The following LPP variants were observed in gnomAD, a reference collection of about 807,000 sequenced individuals.
The protein encoded by LPP is lipoma-preferred partner.
A neutral mutation model predicts 60.4 loss-of-function variants in LPP; 38 were observed. The ratio of observed to expected loss-of-function variants is 0.63; its 90% CI spans 0.49 to 0.83. The LOEUF (loss-of-function observed/expected upper bound fraction) is 0.83, where lower values mean the gene tolerates loss of function less well. Among genes scored for constraint, LPP ranks in the 40% least tolerant of loss-of-function variants. The probability of loss-of-function intolerance (pLI) is 0.00; values close to 1 mark genes in which losing one functional copy is unlikely to be tolerated. For synonymous variants in LPP, 328 were observed against 290.8 expected, an observed-to-expected ratio of 1.13 and a Z score of -1.30; for missense variants, 902 against 783.6, an observed-to-expected ratio of 1.15 and a Z score of -1.80.
chr3:188,669,556 A>G (rs1488878477), intron 7 of LPP, among the ~76,000 whole-genome samples: 2 of 152,164 alleles, frequency 1.3e-5, no homozygotes, highest in Non-Finnish European at 2.9e-5. Context: ...AGCCTGGGTG[A>G]CAGAGCAAGA....
chr3:188,759,713 A>G (rs1731510596), intron 8 of LPP, among the ~76,000 whole-genome samples: 1 of 151,922 alleles, frequency 6.6e-6, no homozygotes, highest in African/African-American at 2.4e-5. Flanking sequence ...TAGAATCTCC[A>G]AGAAGAAAGA....
At chr3:188,599,421 T>C (rs1170264580) in intron 6 of LPP, among the ~76,000 whole-genome samples, 1 of 152,140 alleles carries the variant, frequency 6.6e-6, no homozygotes, top group Non-Finnish European at 1.5e-5. Flanking sequence ...TGGGTGCTCC[T>C]AATTGACTTG....
At chr3:188,313,965 G>A (rs1038643113) in intron 2 of LPP, among the ~76,000 whole-genome samples, 1 of 152,024 alleles carries the variant, frequency 6.6e-6, no homozygotes, top group African/African-American at 2.4e-5. Flanking sequence ...TCAGTACATT[G>A]ATTTTCTGCT....
chr3:188,767,741 A>G (rs1187807350), intron 9 of LPP, among the ~76,000 whole-genome samples: 1 of 152,176 alleles, frequency 6.6e-6, no homozygotes. Context: ...AGTAGTGATG[A>G]TGCTAACACT....
chr3:188,858,558 C>T (rs192708349), intron 9 of LPP, among the ~76,000 whole-genome samples: 41 of 152,152 alleles, frequency 2.7e-4, no homozygotes, highest in African/African-American at 9.9e-4. Context: ...AAAAACAGGG[C>T]GTAATTTACT....
rs550688819 is a variant in LPP, at chr3:188,386,954, T to C, written c.-9-19158T>C. On this transcript the variant is annotated intron_variant, in intron 3 of 11. Transcript: ENST00000617246. ...TTAGAAAAATAAGGATACAAAATGC[T>C]GTGTAGAAAAGAATATGCTATCTTA... Among the ~76,000 whole-genome samples the C allele has an allele frequency of 1.1e-4, 16 of 152,270 alleles. 3 individuals are homozygous for C. The South Asian group carries it at 1.2e-3, about 12-fold the overall frequency.
At chr3:188,276,695 T>TCTCTC (rs1739908128) in intron 2 of LPP, among the ~76,000 whole-genome samples, 9 of 16,418 alleles carry the variant, frequency 5.5e-4, no homozygotes, top group African/African-American at 4.0e-3. Flanking sequence ...CTCTCTCTCT[T>TCTCTC]TCTCTCTCTC....
chr3:188,809,404 T>A (rs1750188536), intron 9 of LPP, among the ~76,000 whole-genome samples: 1 of 152,196 alleles, frequency 6.6e-6, no homozygotes, highest in Non-Finnish European at 1.5e-5. Flanking sequence ...CATCTCATTG[T>A]GATTTTGATT....
chr3:188,800,523 G>T (rs1323468619), intron 9 of LPP, among the ~76,000 whole-genome samples: 1 of 152,088 alleles, frequency 6.6e-6, no homozygotes, highest in Admixed American at 6.5e-5. Flanking sequence ...GGGATTACAG[G>T]CGTGAGCCAC....
intron 7 of LPP, among the ~76,000 whole-genome samples, chr3:188,668,120 A>C (rs1856194563): frequency 6.6e-6 from 1 of 152,030 alleles, no homozygotes; most frequent in Admixed American, 6.6e-5. Context: ...CAGTATATAG[A>C]GAGAGTATAC....
At chr3:188,560,264 C>G (rs894506563) in intron 6 of LPP, among the ~76,000 whole-genome samples, 1 of 152,062 alleles carries the variant, frequency 6.6e-6, no homozygotes, top group Admixed American at 6.6e-5. Context: ...ACTGGTTTAT[C>G]TCTGTGCTAT....
chr3:188,542,084 C>G (rs1004944126), intron 6 of LPP, among the ~76,000 whole-genome samples: 1 of 152,142 alleles, frequency 6.6e-6, no homozygotes, highest in Admixed American at 6.5e-5. Context: ...AATACACTTG[C>G]ATCTGCAATT....
At chr3:188,321,967 A>T (rs1757084232) in intron 2 of LPP, among the ~76,000 whole-genome samples, 1 of 152,208 alleles carries the variant, frequency 6.6e-6, no homozygotes, top group South Asian at 2.1e-4. Context: ...TTTAATTACC[A>T]TTCTCATCAG....
intron 5 of LPP, among the ~76,000 whole-genome samples, chr3:188,507,536 G>A (rs1057204280): frequency 1.3e-5 from 2 of 151,234 alleles, no homozygotes; most frequent in African/African-American, 4.9e-5. Context: ...TTTTTCTCTT[G>A]ATGAAACCTC....
At chr3:188,673,531 G>C (rs752651843) in intron 7 of LPP, among the ~76,000 whole-genome samples, 152 of 152,102 alleles carry the variant, frequency 1.0e-3, no homozygotes, top group Non-Finnish European at 1.2e-3. Context: ...CTCATGCTTT[G>C]GTCTCTCTGA....
chr3:188,693,428 A>G (rs57717241), intron 7 of LPP, among the ~76,000 whole-genome samples: 5,076 of 152,282 alleles, frequency 0.033, 287 homozygotes, highest in African/African-American at 0.12. Context: ...CTAAGTCAAG[A>G]AAACTTTCAC....
chr3:188,655,369 A>T (rs1019748323), intron 7 of LPP, among the ~76,000 whole-genome samples: 9 of 152,212 alleles, frequency 5.9e-5, no homozygotes, highest in African/African-American at 2.2e-4. Context: ...CAGAAAAAAA[A>T]GTAGAATTAT....
At chr3:188,673,363 A>G (rs563671849) in intron 7 of LPP, among the ~76,000 whole-genome samples, 1 of 152,310 alleles carries the variant, frequency 6.6e-6, no homozygotes, top group East Asian at 1.9e-4. Context: ...AGTCATATCA[A>G]AGAAAAATGA....
chr3:188,705,406 C>G (rs1865285783), intron 7 of LPP, among the ~76,000 whole-genome samples: 1 of 151,960 alleles, frequency 6.6e-6, no homozygotes, highest in Non-Finnish European at 1.5e-5. Flanking sequence ...CTTGTTAGTC[C>G]TTGTTCCTCC....
Sources: gnomAD v4.1 joint callset for allele counts (sites outside exome capture counted in the v4.1 genomes callset) on GRCh38, gnomAD v4.1.1 for gene constraint, MANE v1.5 for transcripts, NCBI Gene and HGNC (gene_info 2026-07-23, HGNC 2026-07-21) for gene names.